The following TMEM248 variants were observed in gnomAD, a reference collection of about 807,000 sequenced individuals.
The protein encoded by TMEM248 is UPF0458 protein C7orf42.
Under a neutral mutation model 30.3 loss-of-function variants are expected in TMEM248, and 9 were observed. The observed-to-expected ratio is 0.30, with a 90% CI of 0.18 to 0.52. The LOEUF is 0.52. Ranked by LOEUF, TMEM248 falls within the 20% of genes least tolerant of loss-of-function variation. TMEM248 has a pLI of 0.97. For synonymous variants in TMEM248, 184 were observed against 154.4 expected, an observed-to-expected ratio of 1.19 and a Z score of -1.42; for missense variants, 338 against 403.3, an observed-to-expected ratio of 0.84 and a Z score of 1.39.
chr7:66,943,027 C>T (rs773425160), intron 2 of TMEM248, among the ~76,000 whole-genome samples: 2 of 150,900 alleles, frequency 1.3e-5, no homozygotes, highest in African/African-American at 2.4e-5. Flanking sequence ...CAAAAGGAAC[C>T]GCCTACACAT....
chr7:66,929,194 T>C (rs1411374647), intron 1 of TMEM248, among the ~76,000 whole-genome samples: 4 of 152,150 alleles, frequency 2.6e-5, no homozygotes, highest in Non-Finnish European at 5.9e-5. Flanking sequence ...CAGGTTCACT[T>C]CCCGTGTGAT....
rs116148434 is a variant in TMEM248, at chr7:66,940,268, T to G, written c.-18-1580T>G. 6.1e-3 allele frequency among the ~76,000 whole-genome samples: 931 copies of G among 152,284 alleles called. 11 individuals carry two copies. Among genetic ancestry groups the G allele is most frequent in the African/African-American group, 0.021 (875 of 41,548 alleles). ...TGCGCCCAGCCATAGATGTGCGTTT[T>G]AAGAAGAGCAAACGTGGAAATGTTT... On this transcript the variant is annotated intron_variant, in intron 1 of 6. Transcript: ENST00000341567.
chr7:66,935,305 C>A (rs1791773599), intron 1 of TMEM248, among the ~76,000 whole-genome samples: 2 of 151,876 alleles, frequency 1.3e-5, no homozygotes, highest in Non-Finnish European at 2.9e-5. Context: ...GCCTCAGCCT[C>A]CCAAGTAGCT....
Position 66,948,706 on chromosome 7 carries a change from CG to C in TMEM248, c.596+14del. ...TTCCCCGTCACTGTGTAAGTGTACC[CG>C]GCACCTGATGAACGTGCGTAACAAG... On this transcript the variant is annotated intron_variant, in intron 4 of 6. Transcript: ENST00000341567. 1 of 1,593,356 alleles carries C rather than the reference CG, an allele frequency of 6.3e-7. No homozygotes were observed.
intron 1 of TMEM248, among the ~76,000 whole-genome samples, chr7:66,928,484 C>T (rs1046204673): frequency 2.0e-5 from 3 of 152,110 alleles, no homozygotes; most frequent in Non-Finnish European, 2.9e-5. Flanking sequence ...TACTTAAGCT[C>T]ATTTGCTTCA....
chr7:66,923,881 G>C (rs1318234329), intron 1 of TMEM248, among the ~76,000 whole-genome samples: 1 of 152,118 alleles, frequency 6.6e-6, no homozygotes. Context: ...GGCCAGGCTG[G>C]TCTCAAACCC....
rs1351342488 is a variant in TMEM248 at position 66,942,155 on chromosome 7, A to C, written c.159+131A>C. ...GTGAGAAAAATCAGTATTTATTCAGAATTTTCTGTTTTCCATCTCCCCAGG... is the reference window on the plus strand; with the variant it reads ...GTGAGAAAAATCAGTATTTATTCAGCATTTTCTGTTTTCCATCTCCCCAGG... On this transcript the variant is annotated intron_variant, in intron 2 of 6. Transcript: ENST00000341567. 3 of 1,025,050 alleles carry C rather than the reference A, an allele frequency of 2.9e-6. No homozygotes were observed. The African/African-American group carries it at 4.8e-5, about 16-fold the overall frequency. 63.5% of individuals were successfully genotyped at this position (1,025,050 alleles called of 1,614,324 possible).
intron 3 of TMEM248, among the ~76,000 whole-genome samples, chr7:66,946,204 G>A (rs557018426): frequency 6.6e-6 from 1 of 152,010 alleles, no homozygotes; most frequent in Admixed American, 6.6e-5. Context: ...GGAGGTTGCG[G>A]TGAGCCGAGA....
chr7:66,941,899 G>T lies in TMEM248; in HGVS notation c.34G>T (p.Val12Leu), dbSNP rs1303194302. 2 of 1,614,158 alleles carry T rather than the reference G, an allele frequency of 1.2e-6. No homozygotes were observed. The highest frequency in any genetic ancestry group is 1.7e-6 in the Non-Finnish European group (2 of 1,180,018). Residue 12 changes from valine to leucine, a missense_variant, in exon 2 of 7, where the codon GTG becomes TTG. Transcript: ENST00000341567. ...FSINPLENLK[V>L]YISSRPPLVV... ...CATCAACCCCCTGGAGAACCTGAAG[G>T]TGTACATCAGCAGTCGGCCTCCCCT...
rs1232105526 is a variant in TMEM248 at position 66,932,956 on chromosome 7, G to T, written c.-18-8892G>T. Among the ~76,000 whole-genome samples the T allele has an allele frequency of 2.6e-5, 4 of 151,860 alleles. No homozygotes were observed. In the East Asian group the frequency reaches 7.8e-4, roughly 29 times the overall value. On this transcript the variant is annotated intron_variant, in intron 1 of 6. Coordinates refer to ENST00000341567, the MANE Select transcript of TMEM248 (RefSeq NM_017994.5). ...ATCTTAGCTCAATTCAACCTCCCAG[G>T]TTCAAGCAATTTGTGCCTCAGCCTC...
intron 1 of TMEM248, among the ~76,000 whole-genome samples, chr7:66,940,053 A>G (rs954864908): frequency 2.6e-5 from 4 of 152,092 alleles, no homozygotes; most frequent in Admixed American, 2.6e-4. Context: ...TCCCAGGTTC[A>G]AGTGATTCTC....
chr7:66,955,672 T>G lies in TMEM248; in HGVS notation c.*150T>G. On this transcript the variant is annotated 3_prime_UTR_variant, in exon 7 of 7. Transcript: ENST00000341567. ...ACATTTCAAGTGCCTGTAACTGATT[T>G]GTACATATTTATAAAAATCTATTCA... 2.1e-6 allele frequency: 2 copies of G among 934,936 alleles called. No homozygotes were observed. Among genetic ancestry groups the G allele is most frequent in the Non-Finnish European group, 3.2e-6 (2 of 618,872 alleles). The allele number at this position is 934,936 out of a possible 1,614,324, so 57.9% of individuals were successfully genotyped here. A position where few individuals can be genotyped will look rare whatever the true frequency, so the allele number is the denominator to read the frequency against.
intron 3 of TMEM248, among the ~76,000 whole-genome samples, chr7:66,947,720 T>A (rs971912991): frequency 2.0e-5 from 3 of 151,762 alleles, no homozygotes; most frequent in Admixed American, 6.6e-5. Context: ...ATTTTAATTT[T>A]ATTTTAATAT....
intron 2 of TMEM248, among the ~76,000 whole-genome samples, chr7:66,944,461 G>A (rs1350220886): frequency 6.6e-6 from 1 of 152,184 alleles, no homozygotes; most frequent in Non-Finnish European, 1.5e-5. Flanking sequence ...CATAAGAAGG[G>A]GGGCAGTGTC....
intron 2 of TMEM248, among the ~76,000 whole-genome samples, chr7:66,943,919 C>T (rs1792029241): frequency 6.6e-6 from 1 of 151,878 alleles, no homozygotes; most frequent in African/African-American, 2.4e-5. Flanking sequence ...CTCAGCCTTC[C>T]AAGTAGCTGG....
intron 1 of TMEM248, among the ~76,000 whole-genome samples, chr7:66,933,600 C>G (rs1037979152): frequency 6.6e-6 from 1 of 152,178 alleles, no homozygotes; most frequent in Non-Finnish European, 1.5e-5. Context: ...ACAGCTGTTT[C>G]CACGCCCCTT....
At chr7:66,928,710 C>T (rs1301088200) in intron 1 of TMEM248, among the ~76,000 whole-genome samples, 4 of 152,066 alleles carry the variant, frequency 2.6e-5, no homozygotes, top group East Asian at 1.9e-4. Flanking sequence ...ATTGATGTCT[C>T]GATTGCAAAA....
At chr7:66,937,229 A>T (rs527408791) in intron 1 of TMEM248, among the ~76,000 whole-genome samples, 1 of 152,306 alleles carries the variant, frequency 6.6e-6, no homozygotes, top group Non-Finnish European at 1.5e-5. Context: ...AGTTTCCAGA[A>T]TTCCTCTTGT....
intron 3 of TMEM248, among the ~76,000 whole-genome samples, chr7:66,948,012 A>G (rs1344528136): frequency 6.6e-6 from 1 of 152,044 alleles, no homozygotes; most frequent in Non-Finnish European, 1.5e-5. Context: ...TCAGCCTTCT[A>G]AAGTCAAAGT....
Sources: gnomAD v4.1 joint callset for allele counts (sites outside exome capture counted in the v4.1 genomes callset) on GRCh38, gnomAD v4.1.1 for gene constraint, MANE v1.5 for transcripts, NCBI Gene and HGNC (gene_info 2026-07-23, HGNC 2026-07-21) for gene names.